WDR62: variants seen among roughly 807,000 people sequenced by gnomAD.
WDR62 encodes WD repeat domain 62, also known as WD repeat-containing protein 62.
WDR62 carries 112 observed loss-of-function variants against 160.6 expected under a neutral mutation model. The observed-to-expected ratio is 0.70, with a 90% CI of 0.60 to 0.82. The LOEUF is 0.82. Among genes scored for constraint, WDR62 ranks in the 40% least tolerant of loss-of-function variants. The probability of loss-of-function intolerance (pLI) is 0.00; values close to 1 mark genes in which losing one functional copy is unlikely to be tolerated. For synonymous variants in WDR62, 792 were observed against 815.1 expected (o/e 0.97, Z 0.48); for missense variants, 1,819 against 1,983.8 (o/e 0.92, Z 1.58).
rs138100377 is a variant in WDR62, at chr19:36,065,225, TTGA to T, written c.333-726_333-724del. Among the ~76,000 whole-genome samples the T allele has an allele frequency of 5.8e-3, 881 of 152,324 alleles. 9 individuals are homozygous for T. Among genetic ancestry groups the T allele is most frequent in the African/African-American group, 0.02 (827 of 41,556 alleles). Reference sequence around the variant, plus strand: ...CGGGAAGCCTGGGAAGCAGGTTGACTTGATGATGAATATTCCATGAAGTTGCCA... The same window carrying T: ...CGGGAAGCCTGGGAAGCAGGTTGACTTGATGAATATTCCATGAAGTTGCCA... On this transcript the variant is annotated intron_variant, in intron 3 of 31. Coordinates refer to ENST00000401500, the MANE Select transcript of WDR62 (RefSeq NM_001083961.2).
chr19:36,092,996 A>AT (rs1396891731), intron 19 of WDR62, among the ~76,000 whole-genome samples, 185 bp downstream of exon 19: 1 of 152,164 alleles, frequency 6.6e-6, no homozygotes, highest in East Asian at 1.9e-4. Context: ...GGTTTTGTGG[A>AT]TTTTTTTAAT....
chr19:36,064,558 C>T (rs931189577), intron 3 of WDR62, among the ~76,000 whole-genome samples: 13 of 152,132 alleles, frequency 8.5e-5, no homozygotes, highest in African/African-American at 3.1e-4. Context: ...GGATTACAGG[C>T]GTGAGCCACC....
downstream of WDR62, among the ~76,000 whole-genome samples, chr19:36,107,341 C>T (rs1973734517): frequency 1.3e-5 from 2 of 152,096 alleles, no homozygotes; most frequent in Admixed American, 6.6e-5. Context: ...CTGGCATAAG[C>T]CTGGAAGCGC....
chr19:36,106,339 A>G (rs1230019741), downstream of WDR62, among the ~76,000 whole-genome samples: 1 of 144,334 alleles, frequency 6.9e-6, no homozygotes, highest in Non-Finnish European at 1.5e-5. Context: ...ATTGTACTTC[A>G]GCCTGGGTGA....
At position 36,101,733 on chromosome 19, in the gene WDR62, AC is replaced by A; in HGVS notation, c.3044del (p.Pro1015LeufsTer53). 6.4e-7 allele frequency: 1 copy of A among 1,551,360 alleles called. No individual in the cohort carries two copies. Among genetic ancestry groups the A allele is most frequent in the Non-Finnish European group, 8.7e-7 (1 of 1,147,116 alleles). On this transcript the variant is annotated frameshift_variant, in exon 25 of 32. Transcript: ENST00000401500. LOFTEE classifies it high-confidence loss of function. ...AAIHSPAPPP[D>X]PAPRFATSLP... ...ATCCACTCCCCAGCTCCGCCTCCTGACCCTGCCCCTCGGTTTGCCACGTCGC... is the reference window on the plus strand; with the variant it reads ...ATCCACTCCCCAGCTCCGCCTCCTGACCTGCCCCTCGGTTTGCCACGTCGC...
At chr19:36,070,219 C>G (rs1453737745) in intron 7 of WDR62, 2 of 143,402 alleles carry the variant, frequency 1.4e-5, no homozygotes, top group African/African-American at 5.3e-5. Context: ...AGTGCAGTGG[C>G]GCAATCTCAG....
chr19:36,068,313 T>TTTCTCC (rs1971054775), intron 7 of WDR62, among the ~76,000 whole-genome samples: 1 of 152,220 alleles, frequency 6.6e-6, no homozygotes, highest in South Asian at 2.1e-4. Context: ...TCACATTTCT[T>TTTCTCC]TTCTCCTTTG....
rs1971300311 is a variant in WDR62, at chr19:36,071,553, C to G, written c.883-3C>G. 1 of 1,614,252 alleles carries G rather than the reference C, an allele frequency of 6.2e-7. No homozygotes were observed. The highest frequency in any genetic ancestry group is 1.3e-5 in the African/African-American group (1 of 75,064). On this transcript the variant is annotated splice_region_variant and splice_polypyrimidine_tract_variant and intron_variant, in intron 7 of 31. Transcript: ENST00000401500. ...TCCACTGGGGTCCCTTTTGCCCCTA[C>G]AGGTCTCCCTGTCTTCCTGCCTCTG... is the stretch of plus-strand genomic sequence containing the variant.
chr19:36,056,501 T>C (rs901113361), intron 1 of WDR62, among the ~76,000 whole-genome samples: 2 of 152,314 alleles, frequency 1.3e-5, no homozygotes, highest in East Asian at 3.9e-4. Context: ...CCTGTCTGGC[T>C]CCTTCCCATC....
intron 8 of WDR62, among the ~76,000 whole-genome samples, chr19:36,072,923 T>A (rs1047653619): frequency 3.3e-5 from 5 of 152,174 alleles, no homozygotes; most frequent in African/African-American, 1.2e-4. Flanking sequence ...GTAGCCTTCA[T>A]AGGGAGACCC....
At position 36,104,815 on chromosome 19, in the gene WDR62, T is replaced by C. The variant is rs755677770; in HGVS notation, c.4359T>C (p.Thr1453=). 2 of 1,613,498 alleles carry C rather than the reference T, an allele frequency of 1.2e-6. No homozygotes were observed. The highest frequency in any genetic ancestry group is 1.3e-5 in the African/African-American group (1 of 74,942). ...ACACCGGGCAGCAGCAGGCACGGACTGAGCTGGTCTCCACCTTCCTGTGGA... is the reference window on the plus strand; with the variant it reads ...ACACCGGGCAGCAGCAGGCACGGACCGAGCTGGTCTCCACCTTCCTGTGGA... ...QVDTGQQQAR[T]ELVSTFLWIH... The change falls in exon 32 of 32, where the codon ACT becomes ACC. Residue 1453 remains threonine (T), a synonymous_variant. Transcript: ENST00000401500.
Position 36,105,051 on chromosome 19 carries a change from C to T in WDR62, c.*23C>T, listed in dbSNP as rs1321508080. 1 of 1,588,732 alleles carries T rather than the reference C, an allele frequency of 6.3e-7. No individual in the cohort carries two copies. Among genetic ancestry groups the T allele is most frequent in the Non-Finnish European group, 8.5e-7 (1 of 1,174,294 alleles). ...TGAGGGCGCAGCCCCTCCACCGCAG[C>T]CCTGCTGCTTCTGAGGACTTAGGTA... On this transcript the variant is annotated 3_prime_UTR_variant, in exon 32 of 32. Transcript: ENST00000401500.
intron 19 of WDR62, among the ~76,000 whole-genome samples, chr19:36,093,330 T>C (rs1972753499): frequency 6.6e-6 from 1 of 152,244 alleles, no homozygotes; most frequent in Non-Finnish European, 1.5e-5. Flanking sequence ...GTGAAAGCTG[T>C]AGCTTCACTT....
At chr19:36,100,206 T>G (rs1200279452) in intron 22 of WDR62, among the ~76,000 whole-genome samples, 1 of 152,218 alleles carries the variant, frequency 6.6e-6, no homozygotes, top group African/African-American at 2.4e-5. Context: ...GCCTGGGCTC[T>G]TAGAGGTGCC....
chr19:36,103,169 G>A lies in WDR62; in HGVS notation c.3476G>A (p.Gly1159Glu). 2 of 1,614,096 alleles carry A rather than the reference G, an allele frequency of 1.2e-6. No homozygotes were observed. The highest frequency in any genetic ancestry group is 1.7e-6 in the Non-Finnish European group (2 of 1,180,026). The change falls in exon 29 of 32, where the codon GGG (glycine) becomes GAG (glutamate). Residue 1159 changes from glycine to glutamate, a missense_variant. Gly to Glu is a moderately conservative substitution (Grantham distance 98). Around this residue, in one of 3 missense-constraint regions of WDR62, gnomAD observed 770 missense variants for 734.2 expected, o/e 1.05. Coordinates refer to ENST00000401500, the MANE Select transcript of WDR62 (RefSeq NM_001083961.2). ...SPDRTHVLAA[G>E]KAEETLEAWR... ...CTGTGCCTGCAGGTCCTCGCTGCAG[G>A]GAAGGCTGAAGAGACCCTGGAGGCC...
chr19:36,109,881 C>A (rs1442603937), downstream of WDR62, among the ~76,000 whole-genome samples: 1 of 151,264 alleles, frequency 6.6e-6, no homozygotes, highest in Non-Finnish European at 1.5e-5. Flanking sequence ...TGGTGAAACC[C>A]CATCTCTACA....
chr19:36,094,078 C>G lies in WDR62; in HGVS notation c.2381C>G (p.Pro794Arg), dbSNP rs149431376. The G allele has an allele frequency of 1.3e-4, 206 of 1,614,124 alleles. No homozygotes were observed. In the African/African-American group the frequency reaches 2.5e-3, roughly 20 times the overall value. The change falls in exon 20 of 32, where the codon CCT (proline) becomes CGT (arginine). Residue 794 changes from proline (P) to arginine (R), a missense_variant. Around this residue, in one of 3 missense-constraint regions of WDR62, gnomAD observed 934 missense variants for 1,157.2 expected, o/e 0.81. Transcript: ENST00000401500. ...CCTAGTGAGATTCACTCCCTGAGCC[C>G]TGGAGAGCAAACAGAGGATGATCTG... ...STPSEIHSLS[P>R]GEQTEDDLEE...
At chr19:36,076,983 A>G (rs1971606307) in intron 9 of WDR62, among the ~76,000 whole-genome samples, 2 of 152,100 alleles carry the variant, frequency 1.3e-5, no homozygotes, top group African/African-American at 2.4e-5. Context: ...GTGTGTATAT[A>G]TATATATAAA....
chr19:36,079,437 A>G (rs1599787460), intron 9 of WDR62, among the ~76,000 whole-genome samples: 1 of 152,140 alleles, frequency 6.6e-6, no homozygotes, highest in Admixed American at 6.5e-5. Context: ...TTTATCTGTT[A>G]TGTCTCTTCT....
Sources: allele counts gnomAD v4.1 joint callset (sites outside exome capture counted in the v4.1 genomes callset), GRCh38; gene constraint gnomAD v4.1.1; regional missense constraint gnomAD v4.1.1; transcripts MANE v1.5; gene names NCBI Gene and HGNC (gene_info 2026-07-23, HGNC 2026-07-21).